DAB1: variants seen among roughly 807,000 people sequenced by gnomAD.
The protein encoded by DAB1 is disabled homolog 1.
Under a neutral mutation model 64.6 loss-of-function variants are expected in DAB1, and 15 were observed. The ratio of observed to expected loss-of-function variants is 0.23; its 90% CI spans 0.16 to 0.36. DAB1 has a LOEUF of 0.36. Among genes scored for constraint, DAB1 ranks in the 10% least tolerant of loss-of-function variants. The probability of loss-of-function intolerance (pLI) is 1.00; values close to 1 mark genes in which losing one functional copy is unlikely to be tolerated. For missense variants in DAB1, 596 were observed against 706.7 expected (o/e 0.84, Z 1.78); for synonymous variants, 235 against 251.9 (o/e 0.93, Z 0.64).
intron 5 of DAB1, among the ~76,000 whole-genome samples, chr1:58,132,832 C>T (rs913180283): frequency 3.9e-5 from 6 of 152,086 alleles, no homozygotes; most frequent in Non-Finnish European, 7.4e-5. Context: ...AGTAGTAGGT[C>T]GCACCCTGGA....
intron 6 of DAB1, among the ~76,000 whole-genome samples, chr1:57,682,531 C>G (rs934478326): frequency 2.0e-5 from 3 of 151,648 alleles, no homozygotes; most frequent in African/African-American, 7.3e-5. Flanking sequence ...TGGGAAGAAG[C>G]TGGGAACCCT....
intron 3 of DAB1, among the ~76,000 whole-genome samples, chr1:58,415,108 T>C (rs1235546243): frequency 6.6e-6 from 1 of 152,148 alleles, no homozygotes; most frequent in African/African-American, 2.4e-5. Context: ...TGGGCCTTCA[T>C]AATAGGATTA....
chr1:58,496,384 G>T (rs1645802736), intron 3 of DAB1, among the ~76,000 whole-genome samples: 1 of 152,162 alleles, frequency 6.6e-6, no homozygotes, highest in Admixed American at 6.5e-5. Context: ...GTCACTTTCA[G>T]TGCAGTTAAA....
chr1:58,250,977 C>CA (rs1416852734), intron 4 of DAB1, among the ~76,000 whole-genome samples: 3 of 152,228 alleles, frequency 2.0e-5, no homozygotes, highest in Non-Finnish European at 4.4e-5. Flanking sequence ...GCACACCCCA[C>CA]AATCAAGTGT....
intron 5 of DAB1, among the ~76,000 whole-genome samples, chr1:57,927,940 T>C (rs1433887991): frequency 6.6e-6 from 1 of 152,324 alleles, no homozygotes; most frequent in East Asian, 1.9e-4. Context: ...CCAATCTCTA[T>C]TGCCATCCAC....
chr1:57,402,799 C>T (rs1478830037), intron 1 of DAB1, among the ~76,000 whole-genome samples: 3 of 152,132 alleles, frequency 2.0e-5, no homozygotes, highest in Admixed American at 2.0e-4. Flanking sequence ...ATCCAAACAT[C>T]CCAATGCTCT....
chr1:57,112,687 A>G (rs1327255636), intron 4 of DAB1, among the ~76,000 whole-genome samples: 2 of 152,162 alleles, frequency 1.3e-5, no homozygotes, highest in Admixed American at 6.6e-5. Flanking sequence ...TAACTAATAA[A>G]TATCACCCAA....
At chr1:58,414,608 T>C (rs915867996) in intron 3 of DAB1, among the ~76,000 whole-genome samples, 3 of 152,080 alleles carry the variant, frequency 2.0e-5, no homozygotes, top group Admixed American at 1.3e-4. Context: ...TAAGCAATAA[T>C]GTTTTTTTTT....
chr1:57,244,566 T>C (rs192450223), intron 2 of DAB1, among the ~76,000 whole-genome samples: 7 of 152,354 alleles, frequency 4.6e-5, no homozygotes, highest in East Asian at 1.9e-4. Context: ...TCTTGAGACA[T>C]GCAGGATAGC....
chr1:58,249,941 C>T (rs1208004028), intron 4 of DAB1, among the ~76,000 whole-genome samples: 2 of 152,214 alleles, frequency 1.3e-5, no homozygotes, highest in African/African-American at 4.8e-5. Flanking sequence ...CGCGGTGAGA[C>T]GCGCGCCGCC....
In DAB1 at chr1:57,889,905, G is replaced by GT. The variant is rs201554391; in HGVS notation, n.388-5744_388-5743insA. ...ATGGTAGCACAAACTGGGGCGGGGG[G>GT]GGGGGAGGGGGAAGAAATCACTGGA... is the stretch of plus-strand genomic sequence containing the variant. On this transcript the variant is annotated intron_variant and non_coding_transcript_variant, in intron 5 of 20. Transcript: ENST00000485760. Among the ~76,000 whole-genome samples the GT allele has an allele frequency of 2.0e-4, 26 of 128,668 alleles. 2 individuals are homozygous for GT. The highest frequency in any genetic ancestry group is 6.2e-4 in the South Asian group (2 of 3,218). 84.4% of individuals were successfully genotyped at this position (128,668 alleles called of 152,430 possible). A position where few individuals can be genotyped will look rare whatever the true frequency, so the allele number is the denominator to read the frequency against.
intron 5 of DAB1, among the ~76,000 whole-genome samples, chr1:57,986,242 T>C (rs1428930458): frequency 6.6e-6 from 1 of 152,184 alleles, no homozygotes; most frequent in Non-Finnish European, 1.5e-5. Context: ...ATTGAAATCC[T>C]AACCCCTGAG....
At chr1:58,272,583 T>G (rs1374206701) in intron 4 of DAB1, among the ~76,000 whole-genome samples, 1 of 119,070 alleles carries the variant, frequency 8.4e-6, no homozygotes, top group African/African-American at 3.2e-5. Context: ...GTAACCTTGT[T>G]GACTTTCTGT....
chr1:57,110,513 A>G (rs1425570069), intron 4 of DAB1, among the ~76,000 whole-genome samples: 2 of 152,228 alleles, frequency 1.3e-5, no homozygotes, highest in African/African-American at 4.8e-5. Flanking sequence ...CTGAAATTCT[A>G]TAATGTTGCA....
intron 9 of DAB1, among the ~76,000 whole-genome samples, chr1:57,050,979 G>A (rs1298544531): frequency 6.6e-6 from 1 of 152,152 alleles, no homozygotes; most frequent in African/African-American, 2.4e-5. Context: ...GTGAGCTCAA[G>A]CCCAATATTC....
At chr1:57,653,939 C>G (rs1392581594) in intron 6 of DAB1, among the ~76,000 whole-genome samples, 1 of 152,154 alleles carries the variant, frequency 6.6e-6, no homozygotes, top group Non-Finnish European at 1.5e-5. Context: ...AAAGTGACAG[C>G]AGCATTTATA....
intron 4 of DAB1, among the ~76,000 whole-genome samples, chr1:58,341,852 C>T (rs1364349886): frequency 5.9e-5 from 9 of 152,178 alleles, no homozygotes. Context: ...TTACCACTTT[C>T]TCTAGTCTGG....
chr1:57,647,192 G>A (rs7339963), intron 7 of DAB1, among the ~76,000 whole-genome samples: 19 of 151,932 alleles, frequency 1.3e-4, no homozygotes, highest in Admixed American at 3.3e-4. Flanking sequence ...CAAAGCTCTC[G>A]TTTCTTCTTT....
chr1:58,215,286 C>T (rs1339478473), intron 4 of DAB1, among the ~76,000 whole-genome samples: 1 of 152,090 alleles, frequency 6.6e-6, no homozygotes, highest in Non-Finnish European at 1.5e-5. Context: ...CTAGCTCCTT[C>T]TTGTCATTCA....
Sources: allele counts gnomAD v4.1 joint callset (sites outside exome capture counted in the v4.1 genomes callset), GRCh38; gene constraint gnomAD v4.1.1; transcripts MANE v1.5; gene names NCBI Gene and HGNC (gene_info 2026-07-23, HGNC 2026-07-21).